Variants in PELI2 observed in about 807,000 individuals in gnomAD.
The protein encoded by PELI2 is pellino E3 ubiquitin protein ligase family member 2, also known as E3 ubiquitin-protein ligase pellino homolog 2.
A neutral mutation model predicts 42.3 loss-of-function variants in PELI2; 23 were observed. That is an observed-to-expected ratio of 0.54 (90% CI 0.39 to 0.77). PELI2 has a LOEUF of 0.77. Ranked by LOEUF, PELI2 falls within the 30% of genes least tolerant of loss-of-function variation. PELI2 has a pLI of 0.00. For synonymous variants in PELI2, 245 were observed against 212.2 expected, an observed-to-expected ratio of 1.15 and a Z score of -1.34; for missense variants, 463 against 553.2, an observed-to-expected ratio of 0.84 and a Z score of 1.64.
At chr14:56,280,000 A>C (rs1156626763) in intron 3 of PELI2, among the ~76,000 whole-genome samples, 1 of 152,216 alleles carries the variant, frequency 6.6e-6, no homozygotes, top group Admixed American at 6.5e-5. Flanking sequence ...AGTGCAATAA[A>C]AATAGACATT....
rs1339639743 is a variant in PELI2 at position 56,299,758 on chromosome 14, C to T, written c.*2592C>T. ...ACTTTAAAGGACTAGCCCCACTCCC[C>T]CATGTGTATACACAAGGAAATTGCA... On this transcript the variant is annotated 3_prime_UTR_variant, in exon 6 of 6. Transcript: ENST00000267460. 1 of 152,180 alleles carries T rather than the reference C, an allele frequency of 6.6e-6. No homozygotes were observed. Among genetic ancestry groups the T allele is most frequent in the Non-Finnish European group, 1.5e-5 (1 of 68,036 alleles). The allele number at this position is 152,180 out of a possible 1,614,324, so 9.4% of individuals were successfully genotyped here.
At chr14:56,137,869 C>G (rs1391414182) in intron 1 of PELI2, among the ~76,000 whole-genome samples, 1 of 152,186 alleles carries the variant, frequency 6.6e-6, no homozygotes, top group African/African-American at 2.4e-5. Flanking sequence ...GTTGATGTCA[C>G]ATATTTCAGT....
intron 2 of PELI2, 85 bp downstream of exon 2, chr14:56,178,549 T>C: frequency 1.4e-6 from 2 of 1,444,418 alleles, no homozygotes; most frequent in South Asian, 2.4e-5. Flanking sequence ...TTTCCTTTCG[T>C]CTTTTCATGT....
Position 56,122,044 on chromosome 14 carries a change from A to G in PELI2, c.77+3307A>G, listed in dbSNP as rs184194158. Among the ~76,000 whole-genome samples, 96 of 152,350 alleles carry G rather than the reference A, an allele frequency of 6.3e-4. 2 individuals carry two copies. The South Asian group carries it at 0.011, about 18-fold the overall frequency. ...TGTAAAACTTTATGTTCCAAGTTTA[A>G]GAAAGACAGTGATGTTTTGAAATTT... is the stretch of plus-strand genomic sequence containing the variant. On this transcript the variant is annotated intron_variant, in intron 1 of 5. Coordinates refer to ENST00000267460, the MANE Select transcript of PELI2 (RefSeq NM_021255.3).
intron 3 of PELI2, among the ~76,000 whole-genome samples, chr14:56,280,132 A>G (rs1013711046): frequency 3.3e-5 from 5 of 152,174 alleles, no homozygotes; most frequent in African/African-American, 1.2e-4. Flanking sequence ...GTCTTTTCAG[A>G]AATAACTGTG....
At chr14:56,267,023 T>C (rs932413562) in intron 2 of PELI2, among the ~76,000 whole-genome samples, 3 of 152,084 alleles carry the variant, frequency 2.0e-5, no homozygotes, top group African/African-American at 7.2e-5. Flanking sequence ...AGGCATAGAC[T>C]TTTCTCTGGA....
At chr14:56,168,151 G>T (rs1451399051) in intron 1 of PELI2, among the ~76,000 whole-genome samples, 1 of 152,202 alleles carries the variant, frequency 6.6e-6, no homozygotes. Context: ...CTTGCCCAAG[G>T]CCTGCTGTAA....
intron 1 of PELI2, among the ~76,000 whole-genome samples, chr14:56,168,996 C>T (rs935259977): frequency 6.6e-6 from 1 of 152,088 alleles, no homozygotes; most frequent in Non-Finnish European, 1.5e-5. Flanking sequence ...GGAATGGGGA[C>T]CTCATGACTC....
chr14:56,223,261 C>T (rs1887216213), intron 2 of PELI2, among the ~76,000 whole-genome samples: 1 of 152,204 alleles, frequency 6.6e-6, no homozygotes, highest in Non-Finnish European at 1.5e-5. Flanking sequence ...TTTCTAACTT[C>T]AGAGCTTAAT....
At chr14:56,255,432 A>T (rs763408248) in intron 2 of PELI2, among the ~76,000 whole-genome samples, 3 of 152,148 alleles carry the variant, frequency 2.0e-5, no homozygotes, top group Non-Finnish European at 4.4e-5. Context: ...TGGGAGTTGA[A>T]CATTGAGAAT....
chr14:56,279,895 T>TAAAAATAAAAAAAAAAATAATA (rs1209360308), intron 3 of PELI2, 118 bp downstream of exon 3: 38 of 440,278 alleles, frequency 8.6e-5, no homozygotes, highest in African/African-American at 6.7e-4. Context: ...GAAGATAATA[T>TAAAAATAAAAAAAAAAATAATA]AAAAATTATT....
chr14:56,208,731 TC>T (rs1555347647), intron 2 of PELI2, among the ~76,000 whole-genome samples: 1 of 152,246 alleles, frequency 6.6e-6, no homozygotes, highest in Non-Finnish European at 1.5e-5. Flanking sequence ...AGAACTTTTG[TC>T]ACATACCAAA....
intron 2 of PELI2, among the ~76,000 whole-genome samples, chr14:56,277,600 G>C (rs956392751): frequency 6.6e-6 from 1 of 151,996 alleles, no homozygotes; most frequent in African/African-American, 2.4e-5. Context: ...CCAGTCCATG[G>C]AAAAATTGTC....
At chr14:56,128,074 A>G (rs979969738) in intron 1 of PELI2, among the ~76,000 whole-genome samples, 5 of 151,466 alleles carry the variant, frequency 3.3e-5, no homozygotes, top group Non-Finnish European at 7.4e-5. Flanking sequence ...TAAGATGAAG[A>G]AAAAAAAATG....
intron 2 of PELI2, among the ~76,000 whole-genome samples, chr14:56,198,057 A>G (rs1237434602): frequency 6.6e-6 from 1 of 151,784 alleles, no homozygotes; most frequent in Non-Finnish European, 1.5e-5. Flanking sequence ...GACTAATACA[A>G]CTAGGATGGT....
intron 1 of PELI2, among the ~76,000 whole-genome samples, chr14:56,132,275 A>G (rs901644525): frequency 2.6e-5 from 4 of 152,210 alleles, no homozygotes; most frequent in African/African-American, 9.7e-5. Flanking sequence ...GCTCAAGTGT[A>G]TTCCACTTCT....
At chr14:56,240,866 T>G (rs939671081) in intron 2 of PELI2, among the ~76,000 whole-genome samples, 3 of 124,596 alleles carry the variant, frequency 2.4e-5, no homozygotes, top group Non-Finnish European at 5.6e-5. Context: ...CCCAGTTGCC[T>G]TCTCTGTAAA....
rs550023659 is a variant in PELI2 at position 56,261,996 on chromosome 14, G to A, written c.208-17680G>A. On this transcript the variant is annotated intron_variant, in intron 2 of 5. Coordinates refer to ENST00000267460, the MANE Select transcript of PELI2 (RefSeq NM_021255.3). ...TATCACATAGTTTGACTCTCGAAAA[G>A]TTGCTTTGGTGGGTGATGTCTTTAG... Among the ~76,000 whole-genome samples the A allele has an allele frequency of 1.4e-4, 22 of 152,346 alleles. No homozygotes were observed. In the South Asian group the frequency reaches 4.6e-3, roughly 32 times the overall value.
chr14:56,189,663 A>G (rs190192943), intron 2 of PELI2, among the ~76,000 whole-genome samples: 15 of 152,360 alleles, frequency 9.8e-5, no homozygotes, highest in Admixed American at 9.8e-4. Context: ...AAAGTTATAC[A>G]TAGGTGTAGG....
Sources: gnomAD v4.1 joint callset for allele counts (sites outside exome capture counted in the v4.1 genomes callset) on GRCh38, gnomAD v4.1.1 for gene constraint, MANE v1.5 for transcripts, NCBI Gene and HGNC (gene_info 2026-07-23, HGNC 2026-07-21) for gene names.